The following LRP6 variants were observed in gnomAD, a reference collection of about 807,000 sequenced individuals.
LRP6 encodes LDL receptor related protein 6, also known as low-density lipoprotein receptor-related protein 6.
In LRP6, 43 loss-of-function variants were observed where a neutral mutation model predicts 184.1. The observed-to-expected ratio is 0.23, with a 90% CI of 0.18 to 0.30. The LOEUF is 0.30. Among genes scored for constraint, LRP6 ranks in the 10% least tolerant of loss-of-function variants. LRP6 has a pLI of 1.00. For missense variants in LRP6, 1,571 were observed against 2,005.3 expected (o/e 0.78, Z 4.14); for synonymous variants, 719 against 684.9 (o/e 1.05, Z -0.78).
chr12:12,154,336 TC>T (rs1375046439), intron 12 of LRP6, among the ~76,000 whole-genome samples: 1 of 152,164 alleles, frequency 6.6e-6, no homozygotes, highest in African/African-American at 2.4e-5. Context: ...AGTAAGAACT[TC>T]CCTAATCACC....
intron 3 of LRP6, among the ~76,000 whole-genome samples, chr12:12,193,293 T>G (rs573877396): frequency 1.3e-5 from 2 of 151,418 alleles, no homozygotes; most frequent in East Asian, 3.9e-4. Context: ...CAATTATTTA[T>G]GATTTGACCT....
chr12:12,150,633 A>G (rs1435937557), intron 13 of LRP6, among the ~76,000 whole-genome samples: 1 of 152,196 alleles, frequency 6.6e-6, no homozygotes, highest in South Asian at 2.1e-4. Context: ...ACGCCTAACA[A>G]TTTTCATCAT....
At chr12:12,168,445 C>A (rs745314765) in intron 7 of LRP6, among the ~76,000 whole-genome samples, 4 of 152,168 alleles carry the variant, frequency 2.6e-5, no homozygotes, top group African/African-American at 4.8e-5. Flanking sequence ...ACATGTTTGA[C>A]TTTGAAAGAA....
intron 2 of LRP6, among the ~76,000 whole-genome samples, chr12:12,204,279 C>CAAAAAAAAAAA (rs61067494): frequency 1.0e-5 from 1 of 96,218 alleles, no homozygotes; most frequent in African/African-American, 4.0e-5. Flanking sequence ...TCATAAAAGT[C>CAAAAAAAAAAA]AAAAAAAAAA....
In LRP6 at chr12:12,144,356, C is replaced by T. The variant is rs572803669; in HGVS notation, c.3397+3010G>A. ...TTTTCATGAAGAGCTTTATCACAGA[C>T]CTGCCTGCCAGGCATGGTGGCTCAT... On this transcript the variant is annotated intron_variant, in intron 15 of 22. Transcript: ENST00000261349. Among the ~76,000 whole-genome samples, 87 of 152,322 alleles carry T rather than the reference C, an allele frequency of 5.7e-4. 1 individual carries two copies. The South Asian group carries it at 0.018, about 31-fold the overall frequency.
Position 12,235,888 on chromosome 12 carries a change from T to C in LRP6, c.449+8374A>G, listed in dbSNP as rs1864919102. On this transcript the variant is annotated intron_variant, in intron 2 of 22. Coordinates refer to ENST00000261349, the MANE Select transcript of LRP6 (RefSeq NM_002336.3). ...TGGAACAGAAAAAGGACACAATGAG[T>C]CTGGACTGCCTGGAGTCGCCAGAAA... Among the ~76,000 whole-genome samples the C allele has an allele frequency of 2.0e-5, 3 of 151,606 alleles. No homozygotes were observed. In the East Asian group the frequency reaches 5.8e-4, roughly 29 times the overall value.
At chr12:12,220,244 T>C (rs1169527245) in intron 2 of LRP6, among the ~76,000 whole-genome samples, 2 of 151,000 alleles carry the variant, frequency 1.3e-5, no homozygotes, top group African/African-American at 4.9e-5. Context: ...GCTGAGATCA[T>C]GCCACTACAT....
intron 15 of LRP6, among the ~76,000 whole-genome samples, chr12:12,144,723 C>T (rs1168207166): frequency 6.9e-6 from 1 of 145,882 alleles, no homozygotes; most frequent in Admixed American, 6.8e-5. Context: ...CCATGGAATA[C>T]TATGCAACCA....
chr12:12,181,875 T>A (rs1310419683), intron 5 of LRP6, among the ~76,000 whole-genome samples: 1 of 152,196 alleles, frequency 6.6e-6, no homozygotes, highest in African/African-American at 2.4e-5. Context: ...AAAATTGGAT[T>A]GTGGTGATAA....
At position 12,192,327 on chromosome 12, in the gene LRP6, CA is replaced by C. The variant is rs982314222; in HGVS notation, c.648-5209del. On this transcript the variant is annotated intron_variant, in intron 3 of 22. Coordinates refer to ENST00000261349, the MANE Select transcript of LRP6 (RefSeq NM_002336.3). ...CAACCAAGGAATCAAAATGACACAC[CA>C]GAAAATATCTACTTAATACAAAGGA... is the stretch of plus-strand genomic sequence containing the variant. Among the ~76,000 whole-genome samples, 5 of 150,266 alleles carry C rather than the reference CA, an allele frequency of 3.3e-5. No individual in the cohort carries two copies. The South Asian group carries it at 6.3e-4, about 19-fold the overall frequency.
At chr12:12,261,276 C>G (rs1209449793) in intron 1 of LRP6, among the ~76,000 whole-genome samples, 1 of 151,800 alleles carries the variant, frequency 6.6e-6, no homozygotes, top group African/African-American at 2.4e-5. Flanking sequence ...AAAAATTAAT[C>G]GGGCGTGGTG....
intron 22 of LRP6, among the ~76,000 whole-genome samples, 193 bp from the exon 23 acceptor site, chr12:12,121,613 C>T (rs942796340): frequency 6.6e-6 from 1 of 152,060 alleles, no homozygotes; most frequent in African/African-American, 2.4e-5. Context: ...TTCTTATTTG[C>T]AAATAAGAAA....
At chr12:12,121,515 T>G in intron 22 of LRP6, 95 bp from the exon 23 acceptor site, 5 of 1,161,642 alleles carry the variant, frequency 4.3e-6, no homozygotes, top group Non-Finnish European at 5.2e-6. Context: ...AACTACCCTA[T>G]GAAAACAATA....
chr12:12,165,384 A>T (rs528212804), intron 7 of LRP6, 89 bp from the exon 8 acceptor site: 2 of 891,088 alleles, frequency 2.2e-6, no homozygotes, highest in African/African-American at 3.3e-5. Flanking sequence ...GTTGTATAAA[A>T]ATCCAAGAGT....
intron 3 of LRP6, among the ~76,000 whole-genome samples, chr12:12,201,951 A>C (rs1863923008): frequency 6.6e-6 from 1 of 152,186 alleles, no homozygotes; most frequent in Non-Finnish European, 1.5e-5. Context: ...AATGTTCCTT[A>C]TTCTTAGTTC....
chr12:12,185,637 A>G (rs1036904412), intron 4 of LRP6, among the ~76,000 whole-genome samples: 2 of 152,168 alleles, frequency 1.3e-5, no homozygotes, highest in African/African-American at 4.8e-5. Context: ...GTCCTCTCTT[A>G]CAAGTTCTCA....
chr12:12,237,335 G>C (rs1162817507), intron 2 of LRP6, among the ~76,000 whole-genome samples: 1 of 152,130 alleles, frequency 6.6e-6, no homozygotes, highest in African/African-American at 2.4e-5. Context: ...TCTACGTTAA[G>C]GTAGAAAGCT....
At chr12:12,176,149 C>T (rs985140910) in intron 7 of LRP6, among the ~76,000 whole-genome samples, 52 of 152,018 alleles carry the variant, frequency 3.4e-4, no homozygotes, top group Non-Finnish European at 2.8e-4. Flanking sequence ...ATTCTTTCTG[C>T]TAATGCTTTA....
chr12:12,241,277 G>A (rs1277956926), intron 2 of LRP6, among the ~76,000 whole-genome samples: 1 of 152,022 alleles, frequency 6.6e-6, no homozygotes, highest in Non-Finnish European at 1.5e-5. Context: ...TACTTTGTCT[G>A]GAACTCAAAC....
Sources: gnomAD v4.1 joint callset for allele counts (sites outside exome capture counted in the v4.1 genomes callset) on GRCh38, gnomAD v4.1.1 for gene constraint, MANE v1.5 for transcripts, NCBI Gene and HGNC (gene_info 2026-07-23, HGNC 2026-07-21) for gene names.